The following MAK variants were observed in gnomAD, a reference collection of about 807,000 sequenced individuals.
The protein encoded by MAK is male germ cell associated kinase, also known as serine/threonine-protein kinase MAK.
MAK carries 65 observed loss-of-function variants against 82.6 expected under a neutral mutation model. The observed-to-expected ratio is 0.79, with a 90% CI of 0.64 to 0.97. The LOEUF is 0.97. Among genes scored for constraint, MAK ranks in the 50% least tolerant of loss-of-function variants. The pLI, the probability that MAK is intolerant of heterozygous loss-of-function variation, is 0.00. For synonymous variants in MAK, 250 were observed against 274.2 expected (o/e 0.91, Z 0.87); for missense variants, 703 against 780.2 (o/e 0.90, Z 1.18).
At chr6:10,797,968 G>T in intron 8 of MAK, 1 of 1,126,264 alleles carries the variant, frequency 8.9e-7, no homozygotes, top group Non-Finnish European at 1.1e-6. Context: ...TCAATGCCTA[G>T]CACACTGAAG....
intron 13 of MAK, among the ~76,000 whole-genome samples, chr6:10,770,829 A>G (rs1772942273): frequency 1.3e-5 from 2 of 152,124 alleles, no homozygotes; most frequent in African/African-American, 4.8e-5. Context: ...ATGAGGAAAA[A>G]TCTAAAGTCT....
intron 1 of MAK, among the ~76,000 whole-genome samples, chr6:10,834,547 T>G (rs1367029908): frequency 1.3e-5 from 2 of 152,200 alleles, no homozygotes; most frequent in Non-Finnish European, 2.9e-5. Context: ...TCAAGCCACC[T>G]ACCCCAACCT....
At chr6:10,796,787 C>T (rs1775601738) in intron 8 of MAK, among the ~76,000 whole-genome samples, 1 of 123,886 alleles carries the variant, frequency 8.1e-6, no homozygotes, top group African/African-American at 3.2e-5. Flanking sequence ...ACCTAGGCAA[C>T]ACAGCGAGAC....
chr6:10,802,254 C>G (rs942511924), intron 7 of MAK, 195 bp from the exon 8 acceptor site: 2 of 552,928 alleles, frequency 3.6e-6, no homozygotes, highest in African/African-American at 3.8e-5. Context: ...GAACATTAAG[C>G]TGAGAGTTAG....
At chr6:10,783,702 C>T (rs375785531) in intron 11 of MAK, among the ~76,000 whole-genome samples, 17 of 152,300 alleles carry the variant, frequency 1.1e-4, no homozygotes, top group East Asian at 5.8e-4. Flanking sequence ...CATGCTCTTC[C>T]GAGCAGGCAG....
At position 10,764,665 on chromosome 6, in the gene MAK, T is replaced by G; in HGVS notation, c.1793-59A>C. ...ACTCATTTGCTTATCAAACTCAAAA[T>G]AAAGAAATTCATCCTCTCATTTGAT... is the stretch of plus-strand genomic sequence containing the variant. On this transcript the variant is annotated intron_variant, in intron 14 of 14. Transcript: ENST00000354489. 3.4e-6 allele frequency: 5 copies of G among 1,460,202 alleles called. No homozygotes were observed. The South Asian group carries it at 5.7e-5, about 17-fold the overall frequency. 90.5% of individuals were successfully genotyped at this position (1,460,202 alleles called of 1,614,324 possible). A position where few individuals can be genotyped will look rare whatever the true frequency, so the allele number is the denominator to read the frequency against.
rs533581244 is a variant in MAK at position 10,763,455 on chromosome 6, A to T, written c.*997T>A. On this transcript the variant is annotated 3_prime_UTR_variant, in exon 15 of 15. Coordinates refer to ENST00000354489, the MANE Select transcript of MAK (RefSeq NM_001242957.3). ...TTGATTGTCACCTTGAATTCATGGG[A>T]ACTGTACTGGTCAAGATCAAAACAC... 5.3e-5 allele frequency: 8 copies of T among 152,136 alleles called. No individual in the cohort carries two copies. The East Asian group carries it at 1.5e-3, about 29-fold the overall frequency. The allele number at this position is 152,136 out of a possible 1,614,324, so 9.4% of individuals were successfully genotyped here. A position where few individuals can be genotyped will look rare whatever the true frequency, so the allele number is the denominator to read the frequency against.
intron 1 of MAK, among the ~76,000 whole-genome samples, chr6:10,832,913 C>A (rs1005294676): frequency 6.6e-6 from 1 of 152,152 alleles, no homozygotes; most frequent in Non-Finnish European, 1.5e-5. Context: ...GTACTTTAAA[C>A]CCAAAAACAT....
At chr6:10,780,453 G>GTTTT (rs34131278) in intron 11 of MAK, among the ~76,000 whole-genome samples, 1 of 96,786 alleles carries the variant, frequency 1.0e-5, no homozygotes, top group African/African-American at 3.8e-5. Flanking sequence ...AAATGTACTG[G>GTTTT]TTTTTTTTTT....
At chr6:10,809,752 C>A (rs1776771777) in intron 5 of MAK, among the ~76,000 whole-genome samples, 1 of 152,160 alleles carries the variant, frequency 6.6e-6, no homozygotes, top group South Asian at 2.1e-4. Context: ...GCAATTCAAT[C>A]TATAAAATAA....
At chr6:10,765,440 A>ATTTTTTTTTTTTT (rs200536068) in intron 14 of MAK, among the ~76,000 whole-genome samples, 7 of 130,642 alleles carry the variant, frequency 5.4e-5, no homozygotes, top group African/African-American at 2.0e-4. Flanking sequence ...TAGAATGAAG[A>ATTTTTTTTTTTTT]TTTTTTTTTT....
intron 11 of MAK, among the ~76,000 whole-genome samples, chr6:10,775,772 C>T (rs1773410758): frequency 6.6e-6 from 1 of 152,072 alleles, no homozygotes; most frequent in South Asian, 2.1e-4. Flanking sequence ...TCTTCAACAA[C>T]ACGACGTTTT....
chr6:10,773,991 A>T (rs1281023964), intron 12 of MAK, among the ~76,000 whole-genome samples: 5 of 152,008 alleles, frequency 3.3e-5, no homozygotes, highest in African/African-American at 1.2e-4. Context: ...GGGCCACTGC[A>T]CCTGGCCAAA....
intron 7 of MAK, 60 bp downstream of exon 7, chr6:10,803,660 G>T: frequency 7.0e-7 from 1 of 1,426,126 alleles, no homozygotes. Context: ...AAAATTAAAA[G>T]CAAAGTAGCA....
chr6:10,833,633 T>A (rs1029870597), intron 1 of MAK, among the ~76,000 whole-genome samples: 22 of 150,780 alleles, frequency 1.5e-4, no homozygotes, highest in Non-Finnish European at 3.0e-4. Context: ...ATAATAATAA[T>A]AATAATAGGG....
intron 5 of MAK, among the ~76,000 whole-genome samples, chr6:10,813,126 ATATATATAAATTTTTTTTT>A (rs1777154925): frequency 7.3e-3 from 5 of 682 alleles, no homozygotes; most frequent in African/African-American, 0.013. Context: ...ATATATATAT[ATATATATAAATTTTTTTTT>A]TTTTTTTTTT....
At chr6:10,780,670 G>T (rs1046539500) in intron 11 of MAK, among the ~76,000 whole-genome samples, 2 of 151,672 alleles carry the variant, frequency 1.3e-5, no homozygotes, top group African/African-American at 4.8e-5. Context: ...GGCCAGGATG[G>T]TCTCAATCTC....
intron 12 of MAK, among the ~76,000 whole-genome samples, chr6:10,774,611 A>G (rs1475643179): frequency 2.0e-5 from 3 of 152,250 alleles, no homozygotes; most frequent in Non-Finnish European, 4.4e-5. Flanking sequence ...CTCATAAAAA[A>G]AAATTAAAAA....
chr6:10,813,795 C>A, intron 4 of MAK, 72 bp from the exon 5 acceptor site: 2 of 848,894 alleles, frequency 2.4e-6, no homozygotes, highest in Non-Finnish European at 4.1e-6. Context: ...GTTTATATTC[C>A]CCCTGCCTTG....
Sources: gnomAD v4.1 joint callset for allele counts (sites outside exome capture counted in the v4.1 genomes callset) on GRCh38, gnomAD v4.1.1 for gene constraint, MANE v1.5 for transcripts, NCBI Gene and HGNC (gene_info 2026-07-23, HGNC 2026-07-21) for gene names.